The following SLC6A15 variants were observed in gnomAD, a reference collection of about 807,000 sequenced individuals.
The protein encoded by SLC6A15 is sodium-dependent neutral amino acid transporter B(0)AT2.
A neutral mutation model predicts 68.5 loss-of-function variants in SLC6A15; 33 were observed. That is an observed-to-expected ratio of 0.48 (90% CI 0.37 to 0.64). The LOEUF is 0.64. SLC6A15 is among the 30% of genes least tolerant of loss of function. The pLI is 0.00. For synonymous variants in SLC6A15, 347 were observed against 301.0 expected (o/e 1.15, Z -1.58); for missense variants, 747 against 874.3 (o/e 0.85, Z 1.84).
At chr12:84,883,513 C>T in intron 5 of SLC6A15, 1 of 1,273,160 alleles carries the variant, frequency 7.9e-7, no homozygotes, top group Admixed American at 3.9e-5. Context: ...CCACTTTCCC[C>T]AATTTCCATA....
chr12:84,884,168 T>C (rs1212255382), intron 4 of SLC6A15, 128 bp from the exon 5 acceptor site: 7 of 696,400 alleles, frequency 1.0e-5, no homozygotes, highest in South Asian at 9.6e-5. Context: ...TATAGCAGCA[T>C]GTAAATTCAC....
At position 84,895,339 on chromosome 12, in the gene SLC6A15, A is replaced by ATTTTTTT. The variant is rs67339994; in HGVS notation, c.-188-3038_-188-3032dup. On this transcript the variant is annotated intron_variant, in intron 1 of 11. Transcript: ENST00000266682. ...CTTAGATGTTTTCATTTTTGTTTGTATTTTTTTTTTTTTTTTTTTTTTTTT... is the reference window on the plus strand; with the variant it reads ...CTTAGATGTTTTCATTTTTGTTTGTATTTTTTTTTTTTTTTTTTTTTTTTTTTTTTTT... Among the ~76,000 whole-genome samples, 331 of 54,790 alleles carry ATTTTTTT rather than the reference A, an allele frequency of 6.0e-3. 37 individuals are homozygous for ATTTTTTT. The highest frequency in any genetic ancestry group is 8.8e-3 in the African/African-American group (131 of 14,840). 35.9% of individuals were successfully genotyped at this position (54,790 alleles called of 152,430 possible).
chr12:84,903,197 T>C (rs781732755), intron 1 of SLC6A15, among the ~76,000 whole-genome samples: 1 of 152,110 alleles, frequency 6.6e-6, no homozygotes, highest in Non-Finnish European at 1.5e-5. Context: ...GAATCAAAGA[T>C]AGACAATCTT....
At chr12:84,862,117 C>A (rs1200685873) in intron 11 of SLC6A15, 111 bp from the exon 12 acceptor site, 2 of 1,120,790 alleles carry the variant, frequency 1.8e-6, no homozygotes, top group East Asian at 5.1e-5. Flanking sequence ...GGCTTTGTGA[C>A]TTGCTTTGAC....
At chr12:84,880,244 A>C (rs1476887689) in intron 5 of SLC6A15, among the ~76,000 whole-genome samples, 1 of 152,230 alleles carries the variant, frequency 6.6e-6, no homozygotes, top group African/African-American at 2.4e-5. Context: ...CCATGATTTA[A>C]AAAGATGTGT....
At chr12:84,881,636 C>A (rs898955576) in intron 5 of SLC6A15, 4 of 984,902 alleles carry the variant, frequency 4.1e-6, no homozygotes, top group Non-Finnish European at 4.8e-6. Context: ...TGTGTTTTGA[C>A]CAAGCACATC....
chr12:84,904,251 A>AGAG (rs1221299671), intron 1 of SLC6A15, among the ~76,000 whole-genome samples: 1 of 45,450 alleles, frequency 2.2e-5, no homozygotes, highest in South Asian at 5.6e-4. Context: ...GAGAGAGAGA[A>AGAG]ATAGTCTCAA....
chr12:84,894,820 T>A (rs189847183), intron 1 of SLC6A15, among the ~76,000 whole-genome samples: 1 of 152,180 alleles, frequency 6.6e-6, no homozygotes, highest in East Asian at 1.9e-4. Flanking sequence ...TTTTAAAAAA[T>A]CAGTATCTAA....
intron 6 of SLC6A15, among the ~76,000 whole-genome samples, chr12:84,874,768 A>G (rs933599599): frequency 6.6e-6 from 1 of 152,172 alleles, no homozygotes; most frequent in African/African-American, 2.4e-5. Flanking sequence ...CCTATTAACT[A>G]AAGACATTAC....
Position 84,873,264 on chromosome 12 carries a change from C to A in SLC6A15, c.932G>T (p.Gly311Val). ...GGCAATGACACCACCAAATCCCAGA[C>A]CTAAGGCAAAGAACACTTGAGTAGC... Reference protein sequence around the residue: ...EAATQVFFALGLGFGGVIAFS... With the variant: ...EAATQVFFALVLGFGGVIAFS... Residue 311 changes from glycine (G) to valine (V), a missense_variant, in exon 7 of 12, where the codon GGT becomes GTT. Coordinates refer to ENST00000266682, the MANE Select transcript of SLC6A15 (RefSeq NM_182767.6). The A allele has an allele frequency of 6.2e-7, 1 of 1,614,050 alleles. No homozygotes were observed. Among genetic ancestry groups the A allele is most frequent in the Non-Finnish European group, 8.5e-7 (1 of 1,179,976 alleles).
chr12:84,911,032 C>T (rs1253205311), intron 1 of SLC6A15, among the ~76,000 whole-genome samples: 1 of 152,000 alleles, frequency 6.6e-6, no homozygotes, highest in East Asian at 1.9e-4. Flanking sequence ...TTATTAAGAA[C>T]GTACAAGTCA....
At chr12:84,907,569 A>C (rs1438202574) in intron 1 of SLC6A15, among the ~76,000 whole-genome samples, 2 of 152,160 alleles carry the variant, frequency 1.3e-5, no homozygotes, top group Non-Finnish European at 2.9e-5. Flanking sequence ...TCTGGCAAGG[A>C]TGCAGAGAAA....
intron 1 of SLC6A15, among the ~76,000 whole-genome samples, chr12:84,907,949 T>TA (rs2120744930): frequency 6.6e-6 from 1 of 152,326 alleles, no homozygotes; most frequent in African/African-American, 2.4e-5. Flanking sequence ...GAATACTGTA[T>TA]GATTACATTT....
intron 6 of SLC6A15, 108 bp from the exon 7 acceptor site, chr12:84,873,436 A>G: frequency 8.0e-7 from 1 of 1,257,774 alleles, no homozygotes. Flanking sequence ...TTATGCATCC[A>G]AAGTTTATTT....
At position 84,870,648 on chromosome 12, in the gene SLC6A15, G is replaced by T; in HGVS notation, c.1325C>A (p.Ala442Asp). The T allele has an allele frequency of 6.2e-7, 1 of 1,611,192 alleles. No homozygotes were observed. The highest frequency in any genetic ancestry group is 8.5e-7 in the Non-Finnish European group (1 of 1,178,572). The change falls in exon 9 of 12, where the codon GCT becomes GAT. Residue 442 changes from alanine (A) to aspartate (D), a missense_variant. Transcript: ENST00000266682. ...CATCGCTTCTGTAAAGGCAATAAAAGCTAAGCCGGTCCCCTGAACAGCCTG... is the reference window on the plus strand; with the variant it reads ...CATCGCTTCTGTAAAGGCAATAAAATCTAAGCCGGTCCCCTGAACAGCCTG... ...LNKAVQGTGL[A>D]FIAFTEAMTH...
chr12:84,883,720 T>A, intron 5 of SLC6A15, 139 bp downstream of exon 5: 1 of 1,594,446 alleles, frequency 6.3e-7, no homozygotes, highest in Non-Finnish European at 8.6e-7. Context: ...TTTTGAAGTG[T>A]CACTTTTCAC....
In SLC6A15 at chr12:84,861,558, T is replaced by C; in HGVS notation, c.*74A>G. 6 of 1,505,414 alleles carry C rather than the reference T, an allele frequency of 4.0e-6. No individual in the cohort carries two copies. In the South Asian group the frequency reaches 5.3e-5, roughly 13 times the overall value. The allele number at this position is 1,505,414 out of a possible 1,614,324, so 93.3% of individuals were successfully genotyped here. On this transcript the variant is annotated 3_prime_UTR_variant, in exon 12 of 12. Coordinates refer to ENST00000266682, the MANE Select transcript of SLC6A15 (RefSeq NM_182767.6). ...AGATTGCCCTCTGATAAGTGAAGCC[T>C]AATGCTTCTCCTACTAGGGCCAATG...
intron 3 of SLC6A15, 119 bp downstream of exon 3, chr12:84,885,792 T>C: frequency 2.6e-6 from 3 of 1,133,684 alleles, no homozygotes; most frequent in Non-Finnish European, 3.7e-6. Context: ...AGTAACGTTT[T>C]CTAAAACATA....
chr12:84,887,941 T>G (rs553020372), intron 2 of SLC6A15, among the ~76,000 whole-genome samples: 12 of 151,852 alleles, frequency 7.9e-5, no homozygotes, highest in Non-Finnish European at 1.8e-4. Context: ...AAAAGATACT[T>G]GAGGCTGGGC....
Sources: gnomAD v4.1 joint callset for allele counts (sites outside exome capture counted in the v4.1 genomes callset) on GRCh38, gnomAD v4.1.1 for gene constraint, MANE v1.5 for transcripts, NCBI Gene and HGNC (gene_info 2026-07-23, HGNC 2026-07-21) for gene names.